The following CWC27 variants were observed in gnomAD, a reference collection of about 807,000 sequenced individuals.
CWC27 encodes the protein spliceosome-associated protein CWC27 homolog.
CWC27 carries 47 observed loss-of-function variants against 63.6 expected under a neutral mutation model. The observed-to-expected ratio is 0.74, with a 90% CI of 0.58 to 0.94. The LOEUF (loss-of-function observed/expected upper bound fraction) is 0.94. CWC27 is among the 40% of genes least tolerant of loss of function. The pLI, the probability that CWC27 is intolerant of heterozygous loss-of-function variation, is 0.00. For missense variants in CWC27, 495 were observed against 554.3 expected, an observed-to-expected ratio of 0.89 and a Z score of 1.07; for synonymous variants, 175 against 179.8, an observed-to-expected ratio of 0.97 and a Z score of 0.22.
intron 11 of CWC27, among the ~76,000 whole-genome samples, chr5:64,970,939 A>AAG (rs1177013141): frequency 5.7e-4 from 81 of 142,664 alleles, no homozygotes; most frequent in Admixed American, 3.6e-3. Context: ...AGCCAAAGAG[A>AAG]AGAGAGAGAG....
chr5:64,903,071 TTGG>T (rs1423580594), intron 11 of CWC27, among the ~76,000 whole-genome samples: 1 of 152,200 alleles, frequency 6.6e-6, no homozygotes. Context: ...TTTTACACTG[TTGG>T]TGGGAGTGTA....
chr5:64,971,784 C>G lies in CWC27; in HGVS notation c.1124C>G (p.Ser375Ter), dbSNP rs1561175016. ...TATGAAGCTTTGAGGAAGCAACAGT[C>G]AAAGAAGGGAACTTCCCGGGAAGAT... ...QKYEALRKQQ[S>*]KKGTSREDQT... Residue 375 changes from serine (S) to a stop codon, truncating the protein, a stop_gained, in exon 12 of 14, where the codon TCA becomes TGA. Coordinates refer to ENST00000381070, the MANE Select transcript of CWC27 (RefSeq NM_005869.4). LOFTEE classifies it high-confidence loss of function. 1 of 1,610,818 alleles carries G rather than the reference C, an allele frequency of 6.2e-7. No homozygotes were observed. The highest frequency in any genetic ancestry group is 8.5e-7 in the Non-Finnish European group (1 of 1,178,660).
rs760775772 is a variant in CWC27 at position 64,804,253 on chromosome 5, C to T, written c.805C>T (p.His269Tyr). The change falls in exon 10 of 14, where the codon CAT becomes TAT. Residue 269 changes from histidine (H) to tyrosine (Y), a missense_variant. This residue lies in a region of CWC27 where 463 missense variants were observed against 498.1 expected (regional missense o/e 0.93). Transcript: ENST00000381070. ...VDDGEDESAE[H>Y]DEYIDGDEKN... ...GGATGGAGAAGATGAAAGTGCAGAGCATGATGAATATATTGATGGTGATGA... is the reference window on the plus strand; with the variant it reads ...GGATGGAGAAGATGAAAGTGCAGAGTATGATGAATATATTGATGGTGATGA... 6.2e-7 allele frequency: 1 copy of T among 1,610,580 alleles called. No individual in the cohort carries two copies. Among genetic ancestry groups the T allele is most frequent in the African/African-American group, 1.3e-5 (1 of 74,724 alleles).
chr5:64,875,706 A>G (rs1326026765), intron 10 of CWC27, among the ~76,000 whole-genome samples: 1 of 152,128 alleles, frequency 6.6e-6, no homozygotes, highest in Non-Finnish European at 1.5e-5. Context: ...CCCAAACACA[A>G]AAACTAATCA....
rs1744700446 is a variant in CWC27, at chr5:64,806,989, T to C, written c.938+2603T>C. ...TACAACGTGGTAAAAGGGATAATTA[T>C]ATTTAAAGGAAAGTCACTGCTCAGT... On this transcript the variant is annotated intron_variant, in intron 10 of 13. Transcript: ENST00000381070. Among the ~76,000 whole-genome samples, 5 of 152,298 alleles carry C rather than the reference T, an allele frequency of 3.3e-5. No homozygotes were observed. The South Asian group carries it at 8.3e-4, about 25-fold the overall frequency.
chr5:64,771,271 C>T (rs890811625), intron 1 of CWC27, among the ~76,000 whole-genome samples: 7 of 152,170 alleles, frequency 4.6e-5, no homozygotes, highest in Admixed American at 2.0e-4. Flanking sequence ...GTCTGTTCAA[C>T]GAATGTTTAT....
intron 7 of CWC27, 68 bp downstream of exon 7, chr5:64,789,088 G>A (rs1215942593): frequency 1.9e-6 from 2 of 1,039,996 alleles, no homozygotes; most frequent in Non-Finnish European, 2.9e-6. Context: ...ACTCACTATT[G>A]TATCTCCTGC....
intron 11 of CWC27, among the ~76,000 whole-genome samples, chr5:64,948,019 A>G (rs1375360206): frequency 1.3e-5 from 2 of 152,040 alleles, no homozygotes; most frequent in African/African-American, 4.8e-5. Flanking sequence ...TGCACAGAGA[A>G]TTTCCAGACA....
At chr5:64,937,253 TA>T (rs1748374165) in intron 11 of CWC27, among the ~76,000 whole-genome samples, 1 of 152,230 alleles carries the variant, frequency 6.6e-6, no homozygotes, top group Non-Finnish European at 1.5e-5. Context: ...AATTTCCCTC[TA>T]AACACTGCTT....
At chr5:64,982,921 G>T (rs1476052939) in intron 13 of CWC27, among the ~76,000 whole-genome samples, 1 of 152,120 alleles carries the variant, frequency 6.6e-6, no homozygotes, top group Non-Finnish European at 1.5e-5. Context: ...CACATCAACG[G>T]CGGCATTAGA....
At chr5:64,887,964 A>T (rs1462541988) in intron 11 of CWC27, among the ~76,000 whole-genome samples, 3 of 152,154 alleles carry the variant, frequency 2.0e-5, no homozygotes, top group Non-Finnish European at 2.9e-5. Context: ...AACATAATAA[A>T]ATATTGCTCC....
intron 13 of CWC27, among the ~76,000 whole-genome samples, chr5:64,983,296 C>T (rs1749361222): frequency 6.6e-6 from 1 of 151,996 alleles, no homozygotes; most frequent in Non-Finnish European, 1.5e-5. Flanking sequence ...TTTTGTAAAT[C>T]TCTGAAATCT....
At chr5:64,772,733 C>G (rs952622104) in intron 1 of CWC27, among the ~76,000 whole-genome samples, 7 of 149,492 alleles carry the variant, frequency 4.7e-5, no homozygotes, top group Non-Finnish European at 7.4e-5. Context: ...ATCAGGAGCT[C>G]GAGACCAGCC....
At chr5:64,948,625 CA>C (rs912353304) in intron 11 of CWC27, among the ~76,000 whole-genome samples, 3 of 152,006 alleles carry the variant, frequency 2.0e-5, no homozygotes, top group African/African-American at 7.2e-5. Flanking sequence ...GAACAGGACT[CA>C]TTCATGAGAA....
chr5:64,849,316 A>G (rs1746071595), intron 10 of CWC27, among the ~76,000 whole-genome samples: 1 of 152,204 alleles, frequency 6.6e-6, no homozygotes, highest in African/African-American at 2.4e-5. Context: ...AAAAGAAATT[A>G]AAGAAGACAA....
rs570802903 is a variant in CWC27, at chr5:64,851,189, A to G, written c.939-34254A>G. Among the ~76,000 whole-genome samples the G allele has an allele frequency of 1.0e-3, 152 of 152,352 alleles. 2 individuals are homozygous for G. The South Asian group carries it at 0.03, about 31-fold the overall frequency. On this transcript the variant is annotated intron_variant, in intron 10 of 13. Transcript: ENST00000381070. Reference sequence around the variant, plus strand: ...TGAATATGTAAGGAAAATGTGGTGTATTGTGTATGCACAACGGAATACTTT... The same window carrying G: ...TGAATATGTAAGGAAAATGTGGTGTGTTGTGTATGCACAACGGAATACTTT...
chr5:64,829,692 A>ATGCAG (rs1745462126), intron 10 of CWC27, among the ~76,000 whole-genome samples: 1 of 144,572 alleles, frequency 6.9e-6, no homozygotes, highest in Non-Finnish European at 1.5e-5. Flanking sequence ...TGTACAGAAC[A>ATGCAG]TGCAGGTTTG....
intron 9 of CWC27, among the ~76,000 whole-genome samples, chr5:64,801,736 A>G (rs1272585677): frequency 2.6e-5 from 4 of 152,138 alleles, no homozygotes; most frequent in Non-Finnish European, 5.9e-5. Flanking sequence ...TCTCCTTTTT[A>G]TATACACATT....
chr5:64,877,964 A>G (rs576084424), intron 10 of CWC27, among the ~76,000 whole-genome samples: 2 of 152,118 alleles, frequency 1.3e-5, no homozygotes, highest in South Asian at 4.1e-4. Flanking sequence ...AAACCAAGGA[A>G]ATAATTTTAA....
Sources: allele counts gnomAD v4.1 joint callset (sites outside exome capture counted in the v4.1 genomes callset), GRCh38; gene constraint gnomAD v4.1.1; regional missense constraint gnomAD v4.1.1; transcripts MANE v1.5; gene names NCBI Gene and HGNC (gene_info 2026-07-23, HGNC 2026-07-21).